The following BTF3L4 variants were observed in gnomAD, a reference collection of about 807,000 sequenced individuals.
The protein encoded by BTF3L4 is basic transcription factor 3 like 4, also known as transcription factor BTF3 homolog 4.
Under a neutral mutation model 16.8 loss-of-function variants are expected in BTF3L4, and 6 were observed. That is an observed-to-expected ratio of 0.36 (90% CI 0.20 to 0.71). The LOEUF (loss-of-function observed/expected upper bound fraction) is 0.71. Ranked by LOEUF, BTF3L4 falls within the 30% of genes least tolerant of loss-of-function variation. The probability of loss-of-function intolerance (pLI) is 0.58; values close to 1 mark genes in which losing one functional copy is unlikely to be tolerated. For synonymous variants in BTF3L4, 39 were observed against 59.8 expected (o/e 0.65, Z 1.60); for missense variants, 92 against 186.9 (o/e 0.49, Z 2.96).
chr1:52,074,738 A>T (rs1364153743), intron 3 of BTF3L4, among the ~76,000 whole-genome samples: 4 of 151,726 alleles, frequency 2.6e-5, no homozygotes, highest in Non-Finnish European at 5.9e-5. Context: ...TGAACTCCTG[A>T]CCTCAGGTGA....
intron 2 of BTF3L4, among the ~76,000 whole-genome samples, chr1:52,062,133 G>A (rs1686527415): frequency 6.8e-6 from 1 of 147,304 alleles, no homozygotes; most frequent in African/African-American, 2.5e-5. Context: ...TAGACACAGA[G>A]TTTCACCATG....
chr1:52,064,126 C>T (rs1285288785), intron 2 of BTF3L4, among the ~76,000 whole-genome samples: 2 of 152,206 alleles, frequency 1.3e-5, no homozygotes, highest in African/African-American at 4.8e-5. Context: ...GCCATACTGG[C>T]CCATTTTCTC....
chr1:52,059,752 T>C, intron 1 of BTF3L4, 83 bp from the exon 2 acceptor site: 1 of 1,184,884 alleles, frequency 8.4e-7, no homozygotes, highest in Non-Finnish European at 1.2e-6. Flanking sequence ...ACAAGCTCAG[T>C]GAACCAGAAG....
At chr1:52,057,703 C>G (rs938004996) in intron 1 of BTF3L4, among the ~76,000 whole-genome samples, 1 of 152,180 alleles carries the variant, frequency 6.6e-6, no homozygotes, top group Admixed American at 6.5e-5. Flanking sequence ...ATTCCACACA[C>G]CACAACTTGC....
intron 2 of BTF3L4, among the ~76,000 whole-genome samples, chr1:52,063,072 CTGGTCAG>C (rs1265364601): frequency 6.6e-6 from 1 of 152,194 alleles, no homozygotes; most frequent in Non-Finnish European, 1.5e-5. Flanking sequence ...CAGACTGGTA[CTGGTCAG>C]TGGCCTGGGG....
At chr1:52,083,937 T>C (rs1390303592) in intron 4 of BTF3L4, among the ~76,000 whole-genome samples, 2 of 151,830 alleles carry the variant, frequency 1.3e-5, no homozygotes, top group East Asian at 3.9e-4. Context: ...GGAGAATTGC[T>C]TGAACCCGGG....
rs914045926 is a variant in BTF3L4 at position 52,070,265 on chromosome 1, CCTT to C, written c.168+5331_168+5333del. On this transcript the variant is annotated intron_variant, in intron 3 of 5. Transcript: ENST00000313334. ...TTTGGAATAAGACAAGCTTCTCTGA[CCTT>C]CTTTGGTTCATTGATTTGGTATAAT... Among the ~76,000 whole-genome samples, 5 of 150,940 alleles carry C rather than the reference CCTT, an allele frequency of 3.3e-5. No individual in the cohort carries two copies. The East Asian group carries it at 5.8e-4, about 18-fold the overall frequency.
In BTF3L4 at chr1:52,086,965, T is replaced by C. The variant is rs59771676; in HGVS notation, c.*207T>C. 5,026 of 453,762 alleles carry C rather than the reference T, an allele frequency of 0.011. 220 individuals are homozygous for C. The highest frequency in any genetic ancestry group is 0.1 in the East Asian group (2,885 of 28,036). 28.1% of individuals were successfully genotyped at this position (453,762 alleles called of 1,614,324 possible). On this transcript the variant is annotated 3_prime_UTR_variant, in exon 6 of 6. Coordinates refer to ENST00000313334, the MANE Select transcript of BTF3L4 (RefSeq NM_152265.5). ...CCAGGATATTTTTTTGGTCAAAATATGAAGTATTGGTGCAGTTTGAGGGTG... is the reference window on the plus strand; with the variant it reads ...CCAGGATATTTTTTTGGTCAAAATACGAAGTATTGGTGCAGTTTGAGGGTG...
rs1292311984 is a variant in BTF3L4, at chr1:52,088,585, G to A, written c.*1827G>A. The A allele has an allele frequency of 3.3e-5, 5 of 152,640 alleles. No individual in the cohort carries two copies. Among genetic ancestry groups the A allele is most frequent in the African/African-American group, 1.2e-4 (5 of 41,550 alleles). 9.5% of individuals were successfully genotyped at this position (152,640 alleles called of 1,614,324 possible). The stretch of plus-strand genomic sequence containing the variant: ...TCTAATTGTCCCAAAGGGGGACATT[G>A]TGGAGGCAGAGTTAGGGGGAACCAC... On this transcript the variant is annotated 3_prime_UTR_variant, in exon 6 of 6. Transcript: ENST00000313334.
intron 2 of BTF3L4, among the ~76,000 whole-genome samples, chr1:52,062,834 A>T (rs1486963516): frequency 6.6e-6 from 1 of 152,090 alleles, no homozygotes. Flanking sequence ...GGATGGGAGG[A>T]TGATGGTTTT....
chr1:52,083,589 G>C (rs74083206), intron 4 of BTF3L4, 48 bp downstream of exon 4: 1 of 1,444,426 alleles, frequency 6.9e-7, no homozygotes, highest in Non-Finnish European at 9.7e-7. Context: ...CTTACTTAAA[G>C]AACCTAATCA....
rs1644009761 is a variant in BTF3L4 at position 52,090,576 on chromosome 1, A to G, written c.*3818A>G. The G allele has an allele frequency of 6.6e-6, 1 of 152,182 alleles. No individual in the cohort carries two copies. Among genetic ancestry groups the G allele is most frequent in the African/African-American group, 2.4e-5 (1 of 41,454 alleles). 9.4% of individuals were successfully genotyped at this position (152,182 alleles called of 1,614,324 possible). A position where few individuals can be genotyped will look rare whatever the true frequency, so the allele number is the denominator to read the frequency against. Reference sequence around the variant, plus strand: ...TCCTTACATTTACTTCCAGCATACTATTCATTTGCCATAGTAGAGTATTAA... The same window carrying G: ...TCCTTACATTTACTTCCAGCATACTGTTCATTTGCCATAGTAGAGTATTAA... On this transcript the variant is annotated 3_prime_UTR_variant, in exon 6 of 6. Coordinates refer to ENST00000313334, the MANE Select transcript of BTF3L4 (RefSeq NM_152265.5).
chr1:52,060,535 C>T (rs891284725), intron 2 of BTF3L4: 2 of 1,232,064 alleles, frequency 1.6e-6, no homozygotes, highest in Admixed American at 2.4e-5. Context: ...TTGTGAGCAA[C>T]TGAAGTCTTT....
rs1356042647 is a variant in BTF3L4 at position 52,087,897 on chromosome 1, C to G, written c.*1139C>G. On this transcript the variant is annotated 3_prime_UTR_variant, in exon 6 of 6. Coordinates refer to ENST00000313334, the MANE Select transcript of BTF3L4 (RefSeq NM_152265.5). ...CTCCTACTCTTGGCCTTGAACCTAC[C>G]TCTGGGTTGGATCTTACTATTGTAG... The G allele has an allele frequency of 6.6e-6, 1 of 152,558 alleles. No homozygotes were observed. The highest frequency in any genetic ancestry group is 6.6e-5 in the Admixed American group (1 of 15,264). 9.5% of individuals were successfully genotyped at this position (152,558 alleles called of 1,614,324 possible). A position where few individuals can be genotyped will look rare whatever the true frequency, so the allele number is the denominator to read the frequency against.
chr1:52,061,386 G>T (rs1304461073), intron 2 of BTF3L4, among the ~76,000 whole-genome samples: 1 of 151,322 alleles, frequency 6.6e-6, no homozygotes, highest in Non-Finnish European at 1.5e-5. Context: ...TACTTGGGAG[G>T]CTGAGGCAGG....
intron 3 of BTF3L4, among the ~76,000 whole-genome samples, chr1:52,079,308 G>A (rs1643892214): frequency 6.7e-6 from 1 of 148,958 alleles, no homozygotes; most frequent in South Asian, 2.1e-4. Context: ...GCTTGAATCC[G>A]AGAGGAGGAG....
intron 3 of BTF3L4, among the ~76,000 whole-genome samples, chr1:52,065,800 G>C (rs1193225304): frequency 6.6e-6 from 1 of 152,014 alleles, no homozygotes; most frequent in African/African-American, 2.4e-5. Flanking sequence ...CACTTTGAGA[G>C]GCCTAGGCAG....
At chr1:52,069,810 C>T (rs1009048609) in intron 3 of BTF3L4, among the ~76,000 whole-genome samples, 3 of 152,128 alleles carry the variant, frequency 2.0e-5, no homozygotes, top group African/African-American at 7.2e-5. Context: ...CTCCATACCC[C>T]TAATTTTCTA....
chr1:52,066,831 G>A (rs1260534966), intron 3 of BTF3L4, among the ~76,000 whole-genome samples: 4 of 151,712 alleles, frequency 2.6e-5, no homozygotes. Context: ...GGGCAACAGA[G>A]CGAGACTCCA....
Sources: allele counts gnomAD v4.1 joint callset (sites outside exome capture counted in the v4.1 genomes callset), GRCh38; gene constraint gnomAD v4.1.1; transcripts MANE v1.5; gene names NCBI Gene and HGNC (gene_info 2026-07-23, HGNC 2026-07-21).